Variants in CLIP1 observed in about 807,000 individuals in gnomAD.
CLIP1 encodes CAP-Gly domain-containing linker protein 1.
Under a neutral mutation model 161.6 loss-of-function variants are expected in CLIP1, and 66 were observed. The observed-to-expected ratio is 0.41, with a 90% CI of 0.33 to 0.50. CLIP1 has a LOEUF of 0.50. Ranked by LOEUF, CLIP1 falls within the 20% of genes least tolerant of loss-of-function variation. CLIP1 has a pLI of 0.27. For missense variants in CLIP1, 1,376 were observed against 1,702.0 expected, an observed-to-expected ratio of 0.81 and a Z score of 3.37; for synonymous variants, 598 against 626.2, an observed-to-expected ratio of 0.96 and a Z score of 0.67.
At chr12:122,307,381 T>C (rs369202931) in intron 20 of CLIP1, among the ~76,000 whole-genome samples, 219 of 152,168 alleles carry the variant, frequency 1.4e-3, no homozygotes, top group African/African-American at 4.8e-3. Flanking sequence ...GATGATTCCA[T>C]GAAATAATGG....
Position 122,401,437 on chromosome 12 carries a change from G to A in CLIP1, c.-106-20879C>T, listed in dbSNP as rs149572248. The stretch of plus-strand genomic sequence containing the variant: ...TCCTAGCACTTTGGGAGGCCAAGGC[G>A]GGCAGATCACTTGAGGTCAGGAATT... On this transcript the variant is annotated intron_variant, in intron 1 of 25. Coordinates refer to ENST00000620786, the MANE Select transcript of CLIP1 (RefSeq NM_001247997.2). 5.5e-3 allele frequency among the ~76,000 whole-genome samples: 840 copies of A among 152,206 alleles called. 7 individuals are homozygous for A. The highest frequency in any genetic ancestry group is 0.019 in the African/African-American group (798 of 41,550).
chr12:122,387,564 ATATATATATATATATATATATATATAT>A (rs1225730319), intron 1 of CLIP1, among the ~76,000 whole-genome samples: 98 of 8,682 alleles, frequency 0.011, no homozygotes, highest in South Asian at 0.047. Context: ...ATATATATAT[ATATATATATATATATATATATATATAT>A]TTTTTTTTTT....
intron 8 of CLIP1, among the ~76,000 whole-genome samples, chr12:122,352,317 A>C (rs1257054026): frequency 6.6e-6 from 1 of 152,128 alleles, no homozygotes; most frequent in East Asian, 1.9e-4. Flanking sequence ...TCGGCCTCCC[A>C]AAGTGCTGGG....
intron 1 of CLIP1, among the ~76,000 whole-genome samples, chr12:122,414,586 T>A (rs971345977): frequency 6.6e-6 from 1 of 152,154 alleles, no homozygotes; most frequent in African/African-American, 2.4e-5. Flanking sequence ...TGCCTCAGTC[T>A]CCCAAGTAGG....
intron 8 of CLIP1, among the ~76,000 whole-genome samples, chr12:122,351,725 T>C (rs1017590297): frequency 2.6e-4 from 39 of 152,264 alleles, no homozygotes; most frequent in South Asian, 2.3e-3. Flanking sequence ...ATCTGGAAAA[T>C]TTGAAAAACT....
intron 2 of CLIP1, among the ~76,000 whole-genome samples, chr12:122,378,390 G>A (rs1483316680): frequency 6.6e-6 from 1 of 152,028 alleles, no homozygotes; most frequent in Non-Finnish European, 1.5e-5. Flanking sequence ...CCTCACCAAA[G>A]TGTTTTTGTT....
Position 122,290,858 on chromosome 12 carries a change from CTTTTTTTTAT to C in CLIP1, c.3595-2327_3595-2318del, listed in dbSNP as rs1269276770. ...CATCTAGCAGTTTTATTTCTTTTTTCTTTTTTTTATTTTTTTTTATTTTTTTTAGTTTTTT... is the reference window on the plus strand; with the variant it reads ...CATCTAGCAGTTTTATTTCTTTTTTCTTTTTTTTATTTTTTTTAGTTTTTT... On this transcript the variant is annotated intron_variant, in intron 20 of 25. Coordinates refer to ENST00000620786, the MANE Select transcript of CLIP1 (RefSeq NM_001247997.2). 1.3e-3 allele frequency among the ~76,000 whole-genome samples: 192 copies of C among 148,884 alleles called. 1 individual carries two copies. Among genetic ancestry groups the C allele is most frequent in the African/African-American group, 3.1e-3 (128 of 40,852 alleles).
chr12:122,298,887 G>A (rs565331738), intron 20 of CLIP1, among the ~76,000 whole-genome samples: 23 of 151,906 alleles, frequency 1.5e-4, no homozygotes, highest in African/African-American at 4.6e-4. Flanking sequence ...CCCAGGAGAC[G>A]GAGGTTGCAA....
chr12:122,348,125 T>C (rs1405656312), intron 9 of CLIP1, among the ~76,000 whole-genome samples: 1 of 152,022 alleles, frequency 6.6e-6, no homozygotes, highest in Non-Finnish European at 1.5e-5. Flanking sequence ...CAGAAATGGG[T>C]GAGAAGGGTC....
intron 3 of CLIP1, among the ~76,000 whole-genome samples, chr12:122,374,417 G>A (rs568388112): frequency 7.3e-5 from 11 of 151,080 alleles, no homozygotes; most frequent in African/African-American, 2.2e-4. Context: ...TCAAGAGATC[G>A]AGACCATCCT....
chr12:122,357,998 G>C (rs1281859579), intron 5 of CLIP1, among the ~76,000 whole-genome samples: 11 of 152,172 alleles, frequency 7.2e-5, no homozygotes, highest in Admixed American at 2.6e-4. Flanking sequence ...GAATAGAAAG[G>C]GGGGAAAGGT....
chr12:122,360,937 G>A, intron 5 of CLIP1, 22 bp downstream of exon 5: 1 of 1,585,626 alleles, frequency 6.3e-7, no homozygotes, highest in African/African-American at 1.3e-5. Context: ...AGTGGAGGCA[G>A]GTAGTGAGAA....
chr12:122,288,616 T>TCCC, intron 20 of CLIP1, 75 bp from the exon 21 acceptor site: 3 of 1,256,918 alleles, frequency 2.4e-6, no homozygotes, highest in African/African-American at 1.5e-5. Context: ...CACATGTACA[T>TCCC]CCCCCAGGCT....
intron 1 of CLIP1, among the ~76,000 whole-genome samples, chr12:122,397,761 C>A (rs1426352002): frequency 6.6e-6 from 1 of 151,522 alleles, no homozygotes; most frequent in Non-Finnish European, 1.5e-5. Flanking sequence ...ACCAGCCTGG[C>A]CAACATGGTG....
chr12:122,389,468 T>C (rs890614317), intron 1 of CLIP1, among the ~76,000 whole-genome samples: 2 of 151,872 alleles, frequency 1.3e-5, no homozygotes, highest in African/African-American at 4.8e-5. Context: ...GCCCAAAGAA[T>C]TTATAAAGGG....
intron 1 of CLIP1, among the ~76,000 whole-genome samples, chr12:122,381,161 G>C (rs1241489383): frequency 6.6e-6 from 1 of 152,118 alleles, no homozygotes; most frequent in Non-Finnish European, 1.5e-5. Flanking sequence ...CCATAAAAGA[G>C]GGTTCAGAAA....
intron 11 of CLIP1, among the ~76,000 whole-genome samples, 178 bp from the exon 12 acceptor site, chr12:122,336,926 A>G (rs567520078): frequency 9.9e-4 from 150 of 151,846 alleles, no homozygotes; most frequent in Middle Eastern, 6.9e-3. Flanking sequence ...TCAAACAATC[A>G]GTTCTATGAT....
chr12:122,331,381 C>T (rs544196627), intron 15 of CLIP1, among the ~76,000 whole-genome samples: 2 of 151,968 alleles, frequency 1.3e-5, no homozygotes, highest in Admixed American at 1.3e-4. Flanking sequence ...GCAGCATGAT[C>T]CTGGCTCATT....
chr12:122,379,980 C>T (rs1405924214), intron 2 of CLIP1, among the ~76,000 whole-genome samples: 1 of 132,484 alleles, frequency 7.5e-6, no homozygotes, highest in East Asian at 2.8e-4. Context: ...CACAGTGGCT[C>T]ACGCCTGTAA....
Sources: allele counts gnomAD v4.1 joint callset (sites outside exome capture counted in the v4.1 genomes callset), GRCh38; gene constraint gnomAD v4.1.1; transcripts MANE v1.5; gene names NCBI Gene and HGNC (gene_info 2026-07-23, HGNC 2026-07-21).